The following STRN3 variants were observed in gnomAD, a reference collection of about 807,000 sequenced individuals.
STRN3 encodes striatin-3.
Under a neutral mutation model 95.6 loss-of-function variants are expected in STRN3, and 29 were observed. The observed-to-expected ratio is 0.30, with a 90% CI of 0.23 to 0.41. The LOEUF (loss-of-function observed/expected upper bound fraction) is 0.41, where lower values mean the gene tolerates loss of function less well. Ranked by LOEUF, STRN3 falls within the 10% of genes least tolerant of loss-of-function variation. STRN3 has a pLI of 1.00. For synonymous variants in STRN3, 331 were observed against 357.6 expected (o/e 0.93, Z 0.84); for missense variants, 890 against 972.1 (o/e 0.92, Z 1.12).
At chr14:30,930,809 C>T (rs1325744650) in intron 7 of STRN3, among the ~76,000 whole-genome samples, 2 of 151,964 alleles carry the variant, frequency 1.3e-5, no homozygotes, top group East Asian at 1.9e-4. Flanking sequence ...CCAAGAAAAA[C>T]GGGATCTCAA....
intron 1 of STRN3, among the ~76,000 whole-genome samples, chr14:31,023,105 T>G (rs1046150938): frequency 2.6e-5 from 4 of 152,130 alleles, no homozygotes; most frequent in Non-Finnish European, 5.9e-5. Context: ...AAAAGAAAAG[T>G]GTAGTGTAGT....
At chr14:30,964,123 G>A (rs1296987578) in intron 1 of STRN3, among the ~76,000 whole-genome samples, 3 of 152,076 alleles carry the variant, frequency 2.0e-5, no homozygotes, top group African/African-American at 7.2e-5. Context: ...GTGGTGGTGC[G>A]CATCTGTAGT....
At chr14:31,021,024 A>G (rs1883480221) in intron 1 of STRN3, among the ~76,000 whole-genome samples, 1 of 152,206 alleles carries the variant, frequency 6.6e-6, no homozygotes, top group Non-Finnish European at 1.5e-5. Context: ...CCAAATAATC[A>G]TGCTGGAATC....
intron 1 of STRN3, among the ~76,000 whole-genome samples, chr14:30,974,997 C>T (rs541210628): frequency 1.3e-5 from 2 of 150,452 alleles, no homozygotes; most frequent in African/African-American, 4.9e-5. Flanking sequence ...GAGGTGCCTG[C>T]GCTGCCTGTG....
At chr14:30,926,708 T>C (rs895995348) in intron 8 of STRN3, among the ~76,000 whole-genome samples, 1 of 152,064 alleles carries the variant, frequency 6.6e-6, no homozygotes, top group Non-Finnish European at 1.5e-5. Context: ...AAATTCATTT[T>C]TTTGAAAAAA....
intron 1 of STRN3, among the ~76,000 whole-genome samples, chr14:31,005,093 G>T (rs179706): frequency 0.63 from 95,635 of 151,982 alleles, 31,228 homozygotes; most frequent in Non-Finnish European, 0.73. Flanking sequence ...TAGCACTTTG[G>T]AAGGCCGAGG....
At chr14:30,970,302 G>T (rs113861326) in intron 1 of STRN3, among the ~76,000 whole-genome samples, 1 of 152,142 alleles carries the variant, frequency 6.6e-6, no homozygotes, top group Admixed American at 6.5e-5. Context: ...ATAAAGACCC[G>T]AGTGTCAACC....
At chr14:30,960,674 C>T (rs1880148146) in intron 1 of STRN3, among the ~76,000 whole-genome samples, 2 of 151,714 alleles carry the variant, frequency 1.3e-5, no homozygotes, top group Non-Finnish European at 2.9e-5. Context: ...TCGAGACCAT[C>T]CTGGCTAACA....
chr14:30,960,050 A>AGACAATTATAAAGAATGAGAT (rs1290988166), intron 1 of STRN3, among the ~76,000 whole-genome samples: 5 of 152,172 alleles, frequency 3.3e-5, no homozygotes, highest in African/African-American at 1.2e-4. Context: ...AGAACAGCCA[A>AGACAATTATAAAGAATGAGAT]GACAATTATA....
chr14:30,973,327 T>A (rs1046401954), intron 1 of STRN3, among the ~76,000 whole-genome samples: 41 of 138,708 alleles, frequency 3.0e-4, no homozygotes, highest in African/African-American at 7.9e-4. Context: ...CTGACAACCC[T>A]TTAGGTGGGG....
intron 1 of STRN3, among the ~76,000 whole-genome samples, chr14:31,006,745 G>T (rs1346087292): frequency 6.6e-6 from 1 of 151,348 alleles, no homozygotes; most frequent in Non-Finnish European, 1.5e-5. Context: ...AAAAAAAAAG[G>T]ATCTAGAATC....
chr14:30,915,623 A>G (rs909425477), intron 9 of STRN3, among the ~76,000 whole-genome samples: 1 of 152,218 alleles, frequency 6.6e-6, no homozygotes, highest in Admixed American at 6.5e-5. Flanking sequence ...GGATAATTAT[A>G]TAAAAGTCAT....
At chr14:31,000,420 A>G (rs866454063) in intron 1 of STRN3, among the ~76,000 whole-genome samples, 4 of 152,160 alleles carry the variant, frequency 2.6e-5, no homozygotes, top group Middle Eastern at 3.4e-3. Flanking sequence ...GTTCTTTTAT[A>G]TACTATTATA....
intron 1 of STRN3, among the ~76,000 whole-genome samples, chr14:30,985,934 C>T (rs574232317): frequency 6.6e-6 from 1 of 152,176 alleles, no homozygotes; most frequent in Non-Finnish European, 1.5e-5. Flanking sequence ...CACACACCCC[C>T]CTCAGCTCTC....
intron 8 of STRN3, among the ~76,000 whole-genome samples, chr14:30,923,556 A>C (rs964182679): frequency 6.6e-6 from 1 of 152,180 alleles, no homozygotes; most frequent in Admixed American, 6.5e-5. Context: ...GAAAATTAAG[A>C]TAAGTCCACT....
At chr14:30,972,957 C>T (rs1251521738) in intron 1 of STRN3, among the ~76,000 whole-genome samples, 1 of 152,232 alleles carries the variant, frequency 6.6e-6, no homozygotes, top group Non-Finnish European at 1.5e-5. Context: ...GCCTGTAATC[C>T]TAACACTTTG....
chr14:30,904,474 T>G (rs546654780), intron 15 of STRN3, among the ~76,000 whole-genome samples: 1 of 152,184 alleles, frequency 6.6e-6, no homozygotes, highest in Non-Finnish European at 1.5e-5. Flanking sequence ...GCAAACCAAC[T>G]CATTATTTTA....
rs1896435363 is a variant in STRN3, at chr14:30,905,423, T to G, written c.2024A>C (p.Asp675Ala). ...GAAACTCCATGAAAACTTACCAGAATCTACCTGTGATGAAAGTATCACCAA... is the reference window on the plus strand; with the variant it reads ...GAAACTCCATGAAAACTTACCAGAAGCTACCTGTGATGAAAGTATCACCAA... The part of the protein sequence containing the change: ...QSLVILSSQV[D>A]SGLQSNNHIN... Residue 675 changes from aspartate to alanine, a missense_variant, in exon 15 of 18, where the codon GAT becomes GCT. This residue lies in a region of STRN3 where 357 missense variants were observed against 422.8 expected (regional missense o/e 0.84). Coordinates refer to ENST00000357479, the MANE Select transcript of STRN3 (RefSeq NM_001083893.2). 2.5e-6 allele frequency: 4 copies of G among 1,598,642 alleles called. No homozygotes were observed. Among genetic ancestry groups the G allele is most frequent in the Non-Finnish European group, 3.4e-6 (4 of 1,174,760 alleles).
At chr14:30,924,251 A>G (rs923793269) in intron 8 of STRN3, among the ~76,000 whole-genome samples, 3 of 145,270 alleles carry the variant, frequency 2.1e-5, no homozygotes, top group African/African-American at 7.4e-5. Context: ...CAACAAAAAA[A>G]AAACATGGCC....
Sources: gnomAD v4.1 joint callset for allele counts (sites outside exome capture counted in the v4.1 genomes callset) on GRCh38, gnomAD v4.1.1 for gene constraint, gnomAD v4.1.1 regional missense constraint, MANE v1.5 for transcripts, NCBI Gene and HGNC (gene_info 2026-07-23, HGNC 2026-07-21) for gene names.